CCT7: variants seen among roughly 807,000 people sequenced by gnomAD.
The protein encoded by CCT7 is chaperonin containing TCP1 subunit 7.
CCT7 carries 16 observed loss-of-function variants against 56.6 expected under a neutral mutation model. The observed-to-expected ratio is 0.28, with a 90% CI of 0.19 to 0.43. The LOEUF (loss-of-function observed/expected upper bound fraction) is 0.43. Among genes scored for constraint, CCT7 ranks in the 20% least tolerant of loss-of-function variants. The pLI is 1.00. For synonymous variants in CCT7, 262 were observed against 254.8 expected (o/e 1.03, Z -0.27); for missense variants, 519 against 685.6 (o/e 0.76, Z 2.71).
intron 5 of CCT7, 95 bp downstream of exon 5, chr2:73,244,144 C>A: frequency 8.3e-7 from 1 of 1,207,132 alleles, no homozygotes; most frequent in Non-Finnish European, 1.2e-6. Flanking sequence ...CAAGTGATCT[C>A]CCACCTGCGA....
intron 11 of CCT7, among the ~76,000 whole-genome samples, chr2:73,251,807 T>A (rs1035655713): frequency 7.2e-5 from 11 of 151,936 alleles, no homozygotes; most frequent in African/African-American, 2.7e-4. Flanking sequence ...GGCGTGGTGG[T>A]GGGCACCTGT....
Position 73,249,884 on chromosome 2 carries a change from G to C in CCT7, c.1038G>C (p.Gln346His), listed in dbSNP as rs370264449. 6 of 1,613,688 alleles carry C rather than the reference G, an allele frequency of 3.7e-6. No homozygotes were observed. The African/African-American group carries it at 5.3e-5, about 14-fold the overall frequency. The change falls in exon 9 of 12, where the codon CAG (glutamine) becomes CAC (histidine). Residue 346 changes from glutamine to histidine, a missense_variant. Coordinates refer to ENST00000258091, the MANE Select transcript of CCT7 (RefSeq NM_006429.4). ...ALSADVLGRCQVFEETQIGGE... is the reference protein window; with the variant it reads ...ALSADVLGRCHVFEETQIGGE... Reference sequence around the variant, plus strand: ...CAGCAGATGTGCTGGGTCGATGCCAGGTGTTTGAAGAGACCCAGATTGGAG... The same window carrying C: ...CAGCAGATGTGCTGGGTCGATGCCACGTGTTTGAAGAGACCCAGATTGGAG...
chr2:73,240,939 T>G (rs1219871383), intron 3 of CCT7, among the ~76,000 whole-genome samples: 3 of 151,554 alleles, frequency 2.0e-5, no homozygotes, highest in Admixed American at 2.0e-4. Context: ...TCTTACTATG[T>G]TTCCCAGGTT....
chr2:73,250,020 C>A (rs1163490842), intron 9 of CCT7, 104 bp downstream of exon 9: 2 of 851,534 alleles, frequency 2.3e-6, no homozygotes, highest in Admixed American at 1.8e-5. Flanking sequence ...CCTTTGTGTA[C>A]AAAGTGGTAT....
At chr2:73,245,477 G>A (rs1239011584) in intron 6 of CCT7, among the ~76,000 whole-genome samples, 2 of 152,176 alleles carry the variant, frequency 1.3e-5, no homozygotes, top group African/African-American at 4.8e-5. Context: ...TGCAACTAAT[G>A]TAACTGAAGA....
At position 73,249,920 on chromosome 2, in the gene CCT7, A is replaced by G; in HGVS notation, c.1070+4A>G. On this transcript the variant is annotated splice_donor_region_variant and intron_variant, in intron 9 of 11. Coordinates refer to ENST00000258091, the MANE Select transcript of CCT7 (RefSeq NM_006429.4). ...AGACCCAGATTGGAGGCGAGAGGTG[A>G]GCCGTGGGCCCAGGCCGAGCTCACA... The G allele has an allele frequency of 6.2e-7, 1 of 1,600,328 alleles. No homozygotes were observed. The highest frequency in any genetic ancestry group is 8.6e-7 in the Non-Finnish European group (1 of 1,167,396).
At chr2:73,247,613 G>T in intron 6 of CCT7, 149 bp from the exon 7 acceptor site, 2 of 569,866 alleles carry the variant, frequency 3.5e-6, no homozygotes, top group South Asian at 2.5e-5. Context: ...TCGATTTTAT[G>T]ATAACAGAAA....
chr2:73,248,003 T>C (rs1687417966), intron 7 of CCT7, 77 bp downstream of exon 7: 7 of 1,316,818 alleles, frequency 5.3e-6, no homozygotes, highest in Non-Finnish European at 7.5e-6. Flanking sequence ...TTCATGGCTA[T>C]TGTGGGCCCC....
chr2:73,250,805 A>G (rs3768636), intron 10 of CCT7, among the ~76,000 whole-genome samples: 7,736 of 151,918 alleles, frequency 0.051, 242 homozygotes, highest in South Asian at 0.1. Context: ...GAATGGTGGC[A>G]TGTGCCTGTA....
At chr2:73,242,132 T>A (rs1022040696) in intron 3 of CCT7, among the ~76,000 whole-genome samples, 1 of 151,502 alleles carries the variant, frequency 6.6e-6, no homozygotes, top group East Asian at 2.0e-4. Flanking sequence ...TTTTTTTTTT[T>A]AACTCCTGGC....
In CCT7 at chr2:73,240,306, A is replaced by G. The variant is rs574993348; in HGVS notation, c.161-131A>G. On this transcript the variant is annotated intron_variant, in intron 2 of 11. Coordinates refer to ENST00000258091, the MANE Select transcript of CCT7 (RefSeq NM_006429.4). ...CTAATTCTGTATAGAAAGATCAGATAGGTATCCTTTCCCTTCAGCCCTGCC... is the reference window on the plus strand; with the variant it reads ...CTAATTCTGTATAGAAAGATCAGATGGGTATCCTTTCCCTTCAGCCCTGCC... 13 of 531,980 alleles carry G rather than the reference A, an allele frequency of 2.4e-5. No homozygotes were observed. In the Admixed American group the frequency reaches 4.7e-4, roughly 19 times the overall value. The allele number at this position is 531,980 out of a possible 1,614,324, so 33.0% of individuals were successfully genotyped here.
At position 73,239,686 on chromosome 2, in the gene CCT7, A is replaced by G; in HGVS notation, c.50A>G (p.Gln17Arg). The change falls in exon 2 of 12, where the codon CAA (glutamine) becomes CGA (arginine). Residue 17 changes from glutamine to arginine, a missense_variant. Physicochemically the swap from Gln to Arg is conservative, Grantham distance 43. Transcript: ENST00000258091. ...ILLKEGTDSS[Q>R]GIPQLVSNIS... ...TTGAAAGAGGGGACTGATAGCTCCC[A>G]AGGCATCCCCCAGCTTGTGAGTAAC... 1 of 1,613,992 alleles carries G rather than the reference A, an allele frequency of 6.2e-7. No individual in the cohort carries two copies. Among genetic ancestry groups the G allele is most frequent in the East Asian group, 2.2e-5 (1 of 44,888 alleles).
chr2:73,252,633 CTT>C lies in CCT7; in HGVS notation c.1411-4_1411-3del, dbSNP rs779459030. 9 of 1,610,854 alleles carry C rather than the reference CTT, an allele frequency of 5.6e-6. No individual in the cohort carries two copies. Among genetic ancestry groups the C allele is most frequent in the African/African-American group, 1.3e-5 (1 of 74,950 alleles). On this transcript the variant is annotated splice_region_variant and splice_polypyrimidine_tract_variant and intron_variant, in intron 11 of 11. Coordinates refer to ENST00000258091, the MANE Select transcript of CCT7 (RefSeq NM_006429.4). ...ATATTACCTCCTTTCTTTTCCTACTCTTTTAGGGGGGTACATGGTATGGAGTA... is the reference window on the plus strand; with the variant it reads ...ATATTACCTCCTTTCTTTTCCTACTCTTAGGGGGGTACATGGTATGGAGTA...
chr2:73,238,693 C>T (rs1456930060), intron 1 of CCT7, among the ~76,000 whole-genome samples: 1 of 152,216 alleles, frequency 6.6e-6, no homozygotes, highest in East Asian at 1.9e-4. Context: ...ACAAAATTAG[C>T]CAGAAACACT....
chr2:73,244,065 G>GTTTTT lies in CCT7; in HGVS notation c.446+29_446+33dup. On this transcript the variant is annotated intron_variant, in intron 5 of 11. Coordinates refer to ENST00000258091, the MANE Select transcript of CCT7 (RefSeq NM_006429.4). ...CAGATAAAGTGTAAGTCTGTAGTGG[G>GTTTTT]TTTTTTTTTTTTTTTTTAAAGAGAC... 2.8e-6 allele frequency: 4 copies of GTTTTT among 1,438,260 alleles called. No homozygotes were observed. The highest frequency in any genetic ancestry group is 3.8e-6 in the Non-Finnish European group (4 of 1,061,026). The allele number at this position is 1,438,260 out of a possible 1,614,324, so 89.1% of individuals were successfully genotyped here. A position where few individuals can be genotyped will look rare whatever the true frequency, so the allele number is the denominator to read the frequency against.
chr2:73,249,732 G>C, intron 8 of CCT7, 87 bp from the exon 9 acceptor site: 3 of 864,336 alleles, frequency 3.5e-6, no homozygotes, highest in Non-Finnish European at 6.0e-6. Context: ...GGGGGCATGC[G>C]TGGGAATTGG....
At position 73,235,145 on chromosome 2, in the gene CCT7, T is replaced by G. The variant is rs150873240; in HGVS notation, c.6+761T>G. On this transcript the variant is annotated intron_variant, in intron 1 of 11. Coordinates refer to ENST00000258091, the MANE Select transcript of CCT7 (RefSeq NM_006429.4). ...AACTCTGGGTCTCGTTTTCTTGAAA[T>G]TTGGGGCGAGGGAGTTGCTGTGAGT... Among the ~76,000 whole-genome samples, 325 of 152,236 alleles carry G rather than the reference T, an allele frequency of 2.1e-3. 4 individuals carry two copies. Among genetic ancestry groups the G allele is most frequent in the African/African-American group, 7.4e-3 (307 of 41,524 alleles).
chr2:73,239,213 G>C (rs1205569382), intron 1 of CCT7: 1 of 156,572 alleles, frequency 6.4e-6, no homozygotes, highest in African/African-American at 2.4e-5. Context: ...TGTCCCATCT[G>C]CTTCTCTAAG....
At chr2:73,239,607 T>C in intron 1 of CCT7, 36 bp from the exon 2 acceptor site, 1 of 1,594,096 alleles carries the variant, frequency 6.3e-7, no homozygotes, top group South Asian at 1.1e-5. Context: ...TTATAATAGA[T>C]GATTATTAAA....
Sources: gnomAD v4.1 joint callset for allele counts (sites outside exome capture counted in the v4.1 genomes callset) on GRCh38, gnomAD v4.1.1 for gene constraint, MANE v1.5 for transcripts, NCBI Gene and HGNC (gene_info 2026-07-23, HGNC 2026-07-21) for gene names.